Variants in TDRD3 observed in about 807,000 individuals in gnomAD.
The protein encoded by TDRD3 is tudor domain-containing protein 3.
TDRD3 carries 45 observed loss-of-function variants against 86.7 expected under a neutral mutation model. That is an observed-to-expected ratio of 0.52 (90% CI 0.41 to 0.67). TDRD3 has a LOEUF of 0.67. Among genes scored for constraint, TDRD3 ranks in the 30% least tolerant of loss-of-function variants. TDRD3 has a pLI of 0.00. For synonymous variants in TDRD3, 298 were observed against 301.7 expected (o/e 0.99, Z 0.13); for missense variants, 814 against 889.0 (o/e 0.92, Z 1.07).
rs541890416 is a variant in TDRD3, at chr13:60,455,744, A to G, written c.193-4636A>G. On this transcript the variant is annotated intron_variant, in intron 3 of 13. Transcript: ENST00000377881. Reference sequence around the variant, plus strand: ...CTTATGTTGTTAGGTATACAGATTGAGAAATTTCTTTCTCAAGAGAATTAA... The same window carrying G: ...CTTATGTTGTTAGGTATACAGATTGGGAAATTTCTTTCTCAAGAGAATTAA... 1.4e-4 allele frequency among the ~76,000 whole-genome samples: 21 copies of G among 152,200 alleles called. No individual in the cohort carries two copies. The South Asian group carries it at 4.4e-3, about 32-fold the overall frequency.
chr13:60,567,451 G>A, intron 12 of TDRD3, 74 bp from the exon 13 acceptor site: 1 of 1,592,086 alleles, frequency 6.3e-7, no homozygotes, highest in South Asian at 1.1e-5. Flanking sequence ...TTAAAATAGG[G>A]ACCATACAAT....
chr13:60,535,295 AGAATT>A, intron 12 of TDRD3, 62 bp downstream of exon 12: 1 of 1,478,736 alleles, frequency 6.8e-7, no homozygotes. Flanking sequence ...ATAGCTCTAA[AGAATT>A]AGATAGCCAT....
rs894171952 is a variant in TDRD3 at position 60,397,551 on chromosome 13, C to T, written c.41+146C>T. 18 of 555,838 alleles carry T rather than the reference C, an allele frequency of 3.2e-5. No individual in the cohort carries two copies. The Admixed American group carries it at 5.2e-4, about 16-fold the overall frequency. 34.4% of individuals were successfully genotyped at this position (555,838 alleles called of 1,614,324 possible). A position where few individuals can be genotyped will look rare whatever the true frequency, so the allele number is the denominator to read the frequency against. Reference sequence around the variant, plus strand: ...TCTCCCCGGGCCCTTCGGGCCGGCTCCGCCCCCGGCGCCACGCGGAGCCCT... The same window carrying T: ...TCTCCCCGGGCCCTTCGGGCCGGCTTCGCCCCCGGCGCCACGCGGAGCCCT... On this transcript the variant is annotated intron_variant, in intron 1 of 13. Transcript: ENST00000377881.
chr13:60,504,854 A>G (rs1956902528), intron 8 of TDRD3, among the ~76,000 whole-genome samples: 1 of 152,198 alleles, frequency 6.6e-6, no homozygotes. Context: ...ACTGTCTCCC[A>G]TAGCCAAGAT....
At chr13:60,475,936 G>A (rs1169083846) in intron 5 of TDRD3, among the ~76,000 whole-genome samples, 1 of 152,084 alleles carries the variant, frequency 6.6e-6, no homozygotes, top group Non-Finnish European at 1.5e-5. Context: ...ATTCGGGATA[G>A]TAGACCTTTG....
chr13:60,400,425 A>C (rs1339013279), intron 1 of TDRD3, among the ~76,000 whole-genome samples: 3 of 152,058 alleles, frequency 2.0e-5, no homozygotes, highest in Admixed American at 2.0e-4. Flanking sequence ...GGGGTACCTA[A>C]TCAGTTGTGT....
At chr13:60,411,073 A>G (rs1162752465) in intron 1 of TDRD3, among the ~76,000 whole-genome samples, 1 of 152,208 alleles carries the variant, frequency 6.6e-6, no homozygotes, top group Non-Finnish European at 1.5e-5. Context: ...CACCCAAAAT[A>G]TTTAACTTTG....
intron 3 of TDRD3, among the ~76,000 whole-genome samples, chr13:60,446,130 C>G (rs1236455430): frequency 6.6e-6 from 1 of 152,152 alleles, no homozygotes; most frequent in East Asian, 1.9e-4. Flanking sequence ...GATATCTCTG[C>G]TTGCTCTTCC....
chr13:60,437,315 G>A (rs1456047425), intron 1 of TDRD3, among the ~76,000 whole-genome samples: 1 of 151,262 alleles, frequency 6.6e-6, no homozygotes, highest in African/African-American at 2.4e-5. Context: ...TAGTAGAAAC[G>A]GGGTTTCACC....
intron 13 of TDRD3, among the ~76,000 whole-genome samples, chr13:60,570,077 G>A (rs114964976): frequency 2.0e-5 from 3 of 152,060 alleles, no homozygotes; most frequent in Non-Finnish European, 4.4e-5. Flanking sequence ...AATAACATCA[G>A]TTAAAAAGAT....
At chr13:60,531,135 G>A (rs1484149905) in intron 11 of TDRD3, among the ~76,000 whole-genome samples, 1 of 152,126 alleles carries the variant, frequency 6.6e-6, no homozygotes, top group Non-Finnish European at 1.5e-5. Flanking sequence ...GACAGCACTG[G>A]GTGTCTTTTC....
intron 2 of TDRD3, among the ~76,000 whole-genome samples, chr13:60,441,168 T>C (rs1008341277): frequency 1.3e-4 from 20 of 152,270 alleles, no homozygotes; most frequent in African/African-American, 4.8e-4. Flanking sequence ...AAACTGTTTG[T>C]CTTGCACTGA....
chr13:60,481,184 A>G (rs1272873085), intron 5 of TDRD3, among the ~76,000 whole-genome samples: 1 of 152,082 alleles, frequency 6.6e-6, no homozygotes, highest in African/African-American at 2.4e-5. Flanking sequence ...GATTTCAACA[A>G]TTCAATTGTT....
intron 3 of TDRD3, among the ~76,000 whole-genome samples, chr13:60,454,671 T>A (rs924709925): frequency 2.0e-5 from 3 of 152,236 alleles, no homozygotes; most frequent in Non-Finnish European, 2.9e-5. Context: ...TTAGTTGCAG[T>A]GTTGTTACTG....
In TDRD3 at chr13:60,528,348, G is replaced by T. The variant is rs778743967; in HGVS notation, c.1142-19G>T. 6.4e-6 allele frequency: 10 copies of T among 1,572,634 alleles called. No individual in the cohort carries two copies. The highest frequency in any genetic ancestry group is 1.7e-4 in the Middle Eastern group (1 of 5,872). On this transcript the variant is annotated intron_variant, in intron 10 of 13. Coordinates refer to ENST00000377881, the MANE Select transcript of TDRD3 (RefSeq NM_001146070.2). ...GAGTCTTCATCTTAATTTGCATATG[G>T]TATACTTTTACCTTTCAGAACCTAA...
intron 3 of TDRD3, among the ~76,000 whole-genome samples, chr13:60,447,956 A>T (rs1345286683): frequency 6.6e-6 from 1 of 152,110 alleles, no homozygotes; most frequent in East Asian, 1.9e-4. Context: ...TTGGAATCTC[A>T]TTCACTAGGC....
chr13:60,545,981 T>C (rs1157810781), intron 12 of TDRD3, among the ~76,000 whole-genome samples: 2 of 152,126 alleles, frequency 1.3e-5, no homozygotes, highest in Non-Finnish European at 2.9e-5. Flanking sequence ...ATTCATCTTA[T>C]GCGTGTCATG....
intron 6 of TDRD3, 93 bp from the exon 7 acceptor site, chr13:60,485,706 T>C: frequency 9.7e-7 from 1 of 1,028,728 alleles, no homozygotes. Context: ...TTGTAAAAGA[T>C]ACAAGATACT....
intron 3 of TDRD3, among the ~76,000 whole-genome samples, chr13:60,459,446 T>C (rs1004912815): frequency 1.3e-5 from 2 of 152,198 alleles, no homozygotes; most frequent in African/African-American, 4.8e-5. Context: ...CCAACACATA[T>C]AATACAGCAT....
Sources: gnomAD v4.1 joint callset for allele counts (sites outside exome capture counted in the v4.1 genomes callset) on GRCh38, gnomAD v4.1.1 for gene constraint, MANE v1.5 for transcripts, NCBI Gene and HGNC (gene_info 2026-07-23, HGNC 2026-07-21) for gene names.